PRKD3: variants seen among roughly 807,000 people sequenced by gnomAD.
The protein encoded by PRKD3 is serine/threonine-protein kinase D3.
In PRKD3, 47 loss-of-function variants were observed where a neutral mutation model predicts 99.2. The ratio of observed to expected loss-of-function variants is 0.47; its 90% CI spans 0.38 to 0.60. The LOEUF (loss-of-function observed/expected upper bound fraction) is 0.60, where lower values mean the gene tolerates loss of function less well. Among genes scored for constraint, PRKD3 ranks in the 20% least tolerant of loss-of-function variants. The pLI, the probability that PRKD3 is intolerant of heterozygous loss-of-function variation, is 0.00. For missense variants in PRKD3, 1,019 were observed against 1,088.4 expected (o/e 0.94, Z 0.90); for synonymous variants, 392 against 355.4 (o/e 1.10, Z -1.16).
chr2:37,290,829 T>C (rs772573577), intron 4 of PRKD3, 39 bp downstream of exon 4: 2 of 1,533,420 alleles, frequency 1.3e-6, no homozygotes, highest in Middle Eastern at 1.7e-4. Flanking sequence ...AAATGTGGAA[T>C]CTTATTTCAA....
chr2:37,311,230 G>C (rs1056856840), intron 2 of PRKD3, among the ~76,000 whole-genome samples: 6 of 152,134 alleles, frequency 3.9e-5, no homozygotes, highest in African/African-American at 1.4e-4. Flanking sequence ...GTGATGGCAA[G>C]CAAAAAGTAG....
At chr2:37,268,630 ACAAGAAATTTC>A (rs1478107590) in intron 13 of PRKD3, 2 of 245,002 alleles carry the variant, frequency 8.2e-6, no homozygotes, top group African/African-American at 2.3e-5. Context: ...AGGTACGGGG[ACAAGAAATTTC>A]CACAGAGAAA....
intron 2 of PRKD3, among the ~76,000 whole-genome samples, chr2:37,303,797 C>T (rs1007841903): frequency 4.6e-5 from 7 of 152,110 alleles, no homozygotes; most frequent in African/African-American, 1.4e-4. Context: ...CAATGGGAAA[C>T]GATCGAAGTT....
chr2:37,303,837 GATATATAATAAATGCACTA>G (rs1168128104), intron 2 of PRKD3, among the ~76,000 whole-genome samples: 3 of 152,150 alleles, frequency 2.0e-5, no homozygotes, highest in Admixed American at 2.0e-4. Context: ...AAATGTACTT[GATATATAATAAATGCACTA>G]ATCTTAATTA....
chr2:37,314,098 T>C (rs989318785), intron 2 of PRKD3, among the ~76,000 whole-genome samples: 6 of 152,176 alleles, frequency 3.9e-5, no homozygotes, highest in South Asian at 2.1e-4. Context: ...GAGATTTCAA[T>C]AGTCCTTTCT....
chr2:37,258,852 T>G (rs1306725234), intron 16 of PRKD3, among the ~76,000 whole-genome samples: 2 of 152,238 alleles, frequency 1.3e-5, no homozygotes, highest in South Asian at 2.1e-4. Flanking sequence ...TGTCTAAATG[T>G]ACATGTTTCA....
chr2:37,253,116 T>C lies in PRKD3; in HGVS notation c.*61A>G. 1 of 1,482,610 alleles carries C rather than the reference T, an allele frequency of 6.7e-7. No individual in the cohort carries two copies. Among genetic ancestry groups the C allele is most frequent in the South Asian group, 1.3e-5 (1 of 77,352 alleles). 91.8% of individuals were successfully genotyped at this position (1,482,610 alleles called of 1,614,324 possible). A position where few individuals can be genotyped will look rare whatever the true frequency, so the allele number is the denominator to read the frequency against. On this transcript the variant is annotated 3_prime_UTR_variant, in exon 19 of 19. Transcript: ENST00000234179. ...CAGATGACAATCTACAAAGAACAAG[T>C]TACACAGCAAAATATCAGTCCATAA...
At chr2:37,270,251 T>A (rs963764612) in intron 12 of PRKD3, among the ~76,000 whole-genome samples, 1 of 151,472 alleles carries the variant, frequency 6.6e-6, no homozygotes, top group African/African-American at 2.4e-5. Flanking sequence ...ATCTTGTATT[T>A]ATTAAGTAGT....
intron 16 of PRKD3, among the ~76,000 whole-genome samples, chr2:37,258,444 G>C (rs956485012): frequency 2.0e-5 from 3 of 152,192 alleles, no homozygotes; most frequent in African/African-American, 7.2e-5. Flanking sequence ...GATTAAAGAA[G>C]TGGAGCCATG....
At chr2:37,260,508 CA>C (rs1419965751) in intron 14 of PRKD3, 124 bp from the exon 15 acceptor site, 31 of 900,320 alleles carry the variant, frequency 3.4e-5, no homozygotes, top group Non-Finnish European at 4.9e-5. Context: ...ACAAAGCAAA[CA>C]AAATAAAAAT....
chr2:37,287,016 A>G (rs1419462075), intron 5 of PRKD3, among the ~76,000 whole-genome samples: 2 of 151,898 alleles, frequency 1.3e-5, no homozygotes, highest in Non-Finnish European at 2.9e-5. Context: ...GGATCACCTG[A>G]GGTCAGGAGT....
At chr2:37,301,253 T>C (rs901094421) in intron 2 of PRKD3, among the ~76,000 whole-genome samples, 4 of 152,170 alleles carry the variant, frequency 2.6e-5, no homozygotes, top group Admixed American at 6.5e-5. Flanking sequence ...AAAGTATATA[T>C]GTAGAATTTC....
intron 2 of PRKD3, 132 bp from the exon 3 acceptor site, chr2:37,293,403 C>T: frequency 1.2e-6 from 1 of 838,540 alleles, no homozygotes; most frequent in Admixed American, 3.3e-5. Context: ...TCTATTGATA[C>T]CTAAAAGGTG....
chr2:37,259,901 A>G (rs1458083866), intron 15 of PRKD3, among the ~76,000 whole-genome samples: 1 of 152,218 alleles, frequency 6.6e-6, no homozygotes, highest in Non-Finnish European at 1.5e-5. Context: ...ACAGTGGCTC[A>G]TGCCTGTAAT....
chr2:37,270,917 G>T (rs1032532534), intron 12 of PRKD3, among the ~76,000 whole-genome samples: 4 of 152,260 alleles, frequency 2.6e-5, no homozygotes, highest in African/African-American at 4.8e-5. Flanking sequence ...CATGGATGGA[G>T]ATATCCTCAG....
chr2:37,268,232 G>C, intron 13 of PRKD3: 1 of 447,324 alleles, frequency 2.2e-6, no homozygotes, highest in South Asian at 1.7e-5. Flanking sequence ...TTGTCTCAAT[G>C]GCACAATCGT....
chr2:37,257,673 A>G (rs1382017805), intron 16 of PRKD3, among the ~76,000 whole-genome samples: 1 of 116,510 alleles, frequency 8.6e-6, no homozygotes, highest in African/African-American at 5.2e-5. Flanking sequence ...TCTCAAAAGA[A>G]AAAAAAAAAA....
At chr2:37,274,913 A>G (rs78304212) in intron 10 of PRKD3, among the ~76,000 whole-genome samples, 7,074 of 152,238 alleles carry the variant, frequency 0.046, 205 homozygotes, top group Non-Finnish European at 0.073. Context: ...TATGATAACT[A>G]AGCCAGTAGC....
At chr2:37,319,019 T>G (rs1259209570) in intron 1 of PRKD3, among the ~76,000 whole-genome samples, 7 of 152,146 alleles carry the variant, frequency 4.6e-5, no homozygotes, top group Admixed American at 3.9e-4. Flanking sequence ...GCTTCTTAGC[T>G]GGAAAAAAAT....
Sources: gnomAD v4.1 joint callset for allele counts (sites outside exome capture counted in the v4.1 genomes callset) on GRCh38, gnomAD v4.1.1 for gene constraint, MANE v1.5 for transcripts, NCBI Gene and HGNC (gene_info 2026-07-23, HGNC 2026-07-21) for gene names.